Variants in CECR2 observed in about 807,000 individuals in gnomAD.
CECR2 encodes the protein CECR2 histone acetyl-lysine reader.
A neutral mutation model predicts 154.5 loss-of-function variants in CECR2; 30 were observed. The observed-to-expected ratio is 0.19, with a 90% confidence interval of 0.15 to 0.26. The LOEUF is 0.26. CECR2 is among the 10% of genes least tolerant of loss of function. CECR2 has a pLI of 1.00. For missense variants in CECR2, 1,743 were observed against 1,829.3 expected (o/e 0.95, Z 0.86); for synonymous variants, 725 against 683.7 (o/e 1.06, Z -0.94).
intron 1 of CECR2, among the ~76,000 whole-genome samples, chr22:17,426,405 G>A (rs1165295347): frequency 4.0e-5 from 6 of 151,800 alleles, no homozygotes; most frequent in African/African-American, 1.2e-4. Context: ...CTCCCAGGCT[G>A]GAGTGCAGTG....
intron 2 of CECR2, among the ~76,000 whole-genome samples, chr22:17,480,665 T>C (rs901612447): frequency 4.6e-5 from 7 of 152,180 alleles, no homozygotes; most frequent in Non-Finnish European, 8.8e-5. Context: ...TTGATCTCAT[T>C]CTAAAGAAAG....
rs2056661631 is a variant in CECR2 at position 17,548,974 on chromosome 22, G to A, written c.3687G>A (p.Gln1229=). ...QGSPSGPPAS[Q]PPPPRSLFSD... is the part of the protein sequence containing the mutation. ...GCCCAAGCGGACCCCCAGCCAGTCA[G>A]CCTCCCCCACCAAGGTCCCTCTTCT... is the stretch of plus-strand genomic sequence containing the variant. Residue 1229 remains glutamine (Q), a synonymous_variant, in exon 17 of 19, where the codon CAG becomes CAA. Transcript: ENST00000262608. 9.9e-6 allele frequency: 16 copies of A among 1,613,834 alleles called. No individual in the cohort carries two copies. Among genetic ancestry groups the A allele is most frequent in the Non-Finnish European group, 1.3e-5 (15 of 1,179,892 alleles).
intron 8 of CECR2, among the ~76,000 whole-genome samples, chr22:17,512,719 AAAAAAG>A (rs1214510850): frequency 6.0e-5 from 9 of 148,960 alleles, no homozygotes; most frequent in African/African-American, 1.5e-4. Context: ...AAAAAAAAAA[AAAAAAG>A]AAAGAAAGAA....
chr22:17,428,694 T>C (rs1315593255), intron 1 of CECR2, among the ~76,000 whole-genome samples: 1 of 152,152 alleles, frequency 6.6e-6, no homozygotes. Flanking sequence ...CCTGGGCTGG[T>C]CTCGAACTCC....
intron 1 of CECR2, among the ~76,000 whole-genome samples, chr22:17,413,867 CA>C (rs1569065873): frequency 1.4e-5 from 2 of 144,320 alleles, no homozygotes; most frequent in Non-Finnish European, 3.0e-5. Flanking sequence ...TTAGTAGAGA[CA>C]GGGTTTCACC....
Position 17,456,676 on chromosome 22 carries a change from C to T in CECR2, c.127-20912C>T, listed in dbSNP as rs535392207. Among the ~76,000 whole-genome samples the T allele has an allele frequency of 2.6e-5, 4 of 152,182 alleles. No homozygotes were observed. In the South Asian group the frequency reaches 8.3e-4, roughly 32 times the overall value. On this transcript the variant is annotated intron_variant, in intron 1 of 18. Coordinates refer to ENST00000262608, the MANE Select transcript of CECR2 (RefSeq NM_001290047.2). The stretch of plus-strand genomic sequence containing the variant: ...CCTTTTTTAAAAAAAGAGTAACAAC[C>T]TTCCTCAAGCACTGGTTTTATATAA...
At chr22:17,441,105 C>T (rs1049967653) in intron 1 of CECR2, among the ~76,000 whole-genome samples, 9 of 152,008 alleles carry the variant, frequency 5.9e-5, no homozygotes, top group Non-Finnish European at 1.5e-5. Context: ...CATGCCACCA[C>T]GCCCGGCTAA....
At chr22:17,540,339 T>G in intron 13 of CECR2, 73 bp from the exon 14 acceptor site, 1 of 1,323,654 alleles carries the variant, frequency 7.6e-7, no homozygotes, top group Non-Finnish European at 1.0e-6. Context: ...TTCTATAGTT[T>G]CTATAAACTA....
chr22:17,491,378 C>A (rs1365427716), intron 2 of CECR2, among the ~76,000 whole-genome samples: 1 of 152,026 alleles, frequency 6.6e-6, no homozygotes, highest in Admixed American at 6.6e-5. Context: ...TTTTTGACGT[C>A]CTCCATTATA....
intron 17 of CECR2, among the ~76,000 whole-genome samples, chr22:17,551,601 A>G (rs1333239297): frequency 6.6e-6 from 1 of 152,116 alleles, no homozygotes; most frequent in Non-Finnish European, 1.5e-5. Flanking sequence ...GCTTAAGCTC[A>G]GGAGTTCGAG....
At chr22:17,386,323 CAG>C (rs754498391) in intron 1 of CECR2, among the ~76,000 whole-genome samples, 2 of 151,914 alleles carry the variant, frequency 1.3e-5, no homozygotes, top group African/African-American at 4.8e-5. Flanking sequence ...ACCTGTCAAA[CAG>C]AGAAGCTTAA....
intron 1 of CECR2, among the ~76,000 whole-genome samples, chr22:17,415,531 G>T (rs1014533137): frequency 6.6e-6 from 1 of 152,114 alleles, no homozygotes. Context: ...CGTGAGCCAC[G>T]ATGTCTGGCC....
intron 7 of CECR2, among the ~76,000 whole-genome samples, chr22:17,506,710 G>A (rs976488191): frequency 3.6e-4 from 55 of 152,162 alleles, no homozygotes; most frequent in African/African-American, 1.2e-3. Flanking sequence ...GTGGAGTGCA[G>A]TGGCACAATC....
chr22:17,527,508 T>C (rs954231413), intron 9 of CECR2, among the ~76,000 whole-genome samples: 1 of 152,046 alleles, frequency 6.6e-6, no homozygotes, highest in African/African-American at 2.4e-5. Context: ...GGCTCATGCT[T>C]GTAATCCCAG....
chr22:17,497,756 C>T (rs2055657377), intron 3 of CECR2, among the ~76,000 whole-genome samples, 170 bp downstream of exon 3: 1 of 152,090 alleles, frequency 6.6e-6, no homozygotes, highest in South Asian at 2.1e-4. Flanking sequence ...GCTGTAGCCA[C>T]GGAGATGCAA....
At chr22:17,404,260 A>C (rs1357247907) in intron 1 of CECR2, among the ~76,000 whole-genome samples, 3 of 105,312 alleles carry the variant, frequency 2.8e-5, no homozygotes, top group African/African-American at 3.9e-5. Flanking sequence ...CTCTGTCCCC[A>C]TCCCCCCGAC....
At chr22:17,442,926 G>A (rs2054606655) in intron 1 of CECR2, among the ~76,000 whole-genome samples, 1 of 152,162 alleles carries the variant, frequency 6.6e-6, no homozygotes, top group African/African-American at 2.4e-5. Context: ...TGAGTCATAG[G>A]TGTTAATGGC....
At chr22:17,524,631 A>T in intron 9 of CECR2, among the ~76,000 whole-genome samples, 1 of 136,514 alleles carries the variant, frequency 7.3e-6, no homozygotes, top group Non-Finnish European at 1.5e-5. Flanking sequence ...TGACCTCGTA[A>T]TCTGCCCGCC....
At position 17,548,437 on chromosome 22, in the gene CECR2, C is replaced by T. The variant is rs202113747; in HGVS notation, c.3150C>T (p.Gly1050=). ...VRDLSTVADR[G]ALSENGVIGE... ...ACCTCTCCACGGTGGCAGACAGGGGCGCTCTATCCGAGAACGGAGTCATTG... is the reference window on the plus strand; with the variant it reads ...ACCTCTCCACGGTGGCAGACAGGGGTGCTCTATCCGAGAACGGAGTCATTG... The change falls in exon 17 of 19, where the codon GGC becomes GGT. Residue 1050 remains glycine (G), a synonymous_variant. Transcript: ENST00000262608. 43 of 1,613,852 alleles carry T rather than the reference C, an allele frequency of 2.7e-5. No individual in the cohort carries two copies. The highest frequency in any genetic ancestry group is 8.0e-5 in the African/African-American group (6 of 74,926).
Sources: gnomAD v4.1 joint callset for allele counts (sites outside exome capture counted in the v4.1 genomes callset) on GRCh38, gnomAD v4.1.1 for gene constraint, MANE v1.5 for transcripts, NCBI Gene and HGNC (gene_info 2026-07-23, HGNC 2026-07-21) for gene names.